Variants in EPC2 observed in about 807,000 individuals in gnomAD.
The protein encoded by EPC2 is enhancer of polycomb 2, also known as enhancer of polycomb homolog 2.
In EPC2, 14 loss-of-function variants were observed where a neutral mutation model predicts 92.1. That is an observed-to-expected ratio of 0.15 (90% CI 0.10 to 0.24). EPC2 has a LOEUF of 0.24. Ranked by LOEUF, EPC2 falls within the 10% of genes least tolerant of loss-of-function variation. EPC2 has a pLI of 1.00. For synonymous variants in EPC2, 340 were observed against 334.7 expected, an observed-to-expected ratio of 1.02 and a Z score of -0.17; for missense variants, 755 against 971.5, an observed-to-expected ratio of 0.78 and a Z score of 2.96.
At chr2:148,742,560 C>G (rs907007128) in intron 2 of EPC2, among the ~76,000 whole-genome samples, 1 of 151,892 alleles carries the variant, frequency 6.6e-6, no homozygotes, top group Non-Finnish European at 1.5e-5. Flanking sequence ...GCAGACAGAT[C>G]GCTTGAGCCC....
intron 2 of EPC2, among the ~76,000 whole-genome samples, chr2:148,713,098 A>G (rs7587946): frequency 1.2e-3 from 182 of 152,366 alleles, no homozygotes; most frequent in African/African-American, 4.0e-3. Flanking sequence ...TGTATTTACT[A>G]TTCTATACTT....
chr2:148,666,456 TA>T (rs1005930466), intron 1 of EPC2, among the ~76,000 whole-genome samples: 1 of 152,148 alleles, frequency 6.6e-6, no homozygotes, highest in Admixed American at 6.5e-5. Context: ...AGGACCAATT[TA>T]AAAAAAATTT....
At chr2:148,658,782 C>T (rs1680870866) in intron 1 of EPC2, among the ~76,000 whole-genome samples, 1 of 151,794 alleles carries the variant, frequency 6.6e-6, no homozygotes, top group Admixed American at 6.6e-5. Flanking sequence ...TTACTTACTA[C>T]TTATGCAATG....
chr2:148,673,584 C>G (rs981480001), intron 1 of EPC2, among the ~76,000 whole-genome samples: 2 of 151,824 alleles, frequency 1.3e-5, no homozygotes, highest in Non-Finnish European at 2.9e-5. Flanking sequence ...AATCATTTTT[C>G]TTATTTATTT....
At chr2:148,737,291 C>T (rs529345524) in intron 2 of EPC2, among the ~76,000 whole-genome samples, 17 of 151,966 alleles carry the variant, frequency 1.1e-4, no homozygotes, top group African/African-American at 3.6e-4. Context: ...TTTTTCAACA[C>T]GTTATTTCAT....
intron 2 of EPC2, among the ~76,000 whole-genome samples, chr2:148,718,261 T>C (rs1574602427): frequency 1.3e-5 from 2 of 152,234 alleles, no homozygotes; most frequent in South Asian, 2.1e-4. Context: ...AGAATTCTTA[T>C]GTGCGGATTT....
chr2:148,748,441 C>T (rs1683027765), intron 3 of EPC2, among the ~76,000 whole-genome samples: 2 of 152,112 alleles, frequency 1.3e-5, no homozygotes, highest in Admixed American at 1.3e-4. Flanking sequence ...CCAGTTTGCA[C>T]TTTAGTGCTG....
intron 2 of EPC2, among the ~76,000 whole-genome samples, chr2:148,713,020 C>T (rs1682183813): frequency 6.6e-6 from 1 of 152,128 alleles, no homozygotes; most frequent in African/African-American, 2.4e-5. Context: ...TAGACCCTGT[C>T]TCAATAAATA....
Position 148,718,962 on chromosome 2 carries a change from G to A in EPC2, c.314-24660G>A, listed in dbSNP as rs565506071. On this transcript the variant is annotated intron_variant, in intron 2 of 13. Transcript: ENST00000258484. ...ATTTCCTTCTTTTTTCTCTAGTATT[G>A]TCTGCTTGTCTTAATTCAGAAAGCC... Among the ~76,000 whole-genome samples the A allele has an allele frequency of 5.9e-5, 9 of 151,766 alleles. No homozygotes were observed. The South Asian group carries it at 1.9e-3, about 32-fold the overall frequency.
intron 2 of EPC2, among the ~76,000 whole-genome samples, chr2:148,733,038 C>CT (rs34431021): frequency 1.6e-4 from 19 of 116,240 alleles, no homozygotes; most frequent in Non-Finnish European, 3.0e-4. Context: ...CAGACTTGAA[C>CT]TTTTTTGAAC....
At chr2:148,762,062 T>A in intron 5 of EPC2, 132 bp downstream of exon 5, 1 of 735,876 alleles carries the variant, frequency 1.4e-6, no homozygotes, top group Non-Finnish European at 2.0e-6. Context: ...GAATTTATAT[T>A]TTTTAAAGAT....
chr2:148,766,998 A>G (rs888018404), intron 7 of EPC2, among the ~76,000 whole-genome samples: 16 of 152,102 alleles, frequency 1.1e-4, no homozygotes, highest in Non-Finnish European at 1.0e-4. Context: ...AGCCTGGGCA[A>G]CATGGTGAAA....
At chr2:148,739,833 CTTTTTTTTTTTTTTT>C (rs144868417) in intron 2 of EPC2, among the ~76,000 whole-genome samples, 6 of 81,296 alleles carry the variant, frequency 7.4e-5, no homozygotes, top group Admixed American at 1.9e-4. Context: ...TCTTCTTCTT[CTTTTTTTTTTTTTTT>C]TTTTTTTTTT....
At chr2:148,773,468 A>G (rs1683567539) in intron 10 of EPC2, among the ~76,000 whole-genome samples, 1 of 152,140 alleles carries the variant, frequency 6.6e-6, no homozygotes, top group Admixed American at 6.5e-5. Flanking sequence ...AAAAAATTTT[A>G]AGGCTTAAGC....
intron 1 of EPC2, among the ~76,000 whole-genome samples, chr2:148,661,095 C>G (rs1200676697): frequency 6.6e-6 from 1 of 151,914 alleles, no homozygotes; most frequent in Non-Finnish European, 1.5e-5. Context: ...TTGTCTAACT[C>G]CCAAAAATAA....
At chr2:148,765,997 C>G (rs1683401371) in intron 7 of EPC2, among the ~76,000 whole-genome samples, 1 of 152,176 alleles carries the variant, frequency 6.6e-6, no homozygotes, top group South Asian at 2.1e-4. Context: ...GATCGCACCA[C>G]TGCACTCCAG....
At chr2:148,734,185 C>A (rs928051074) in intron 2 of EPC2, among the ~76,000 whole-genome samples, 1 of 151,728 alleles carries the variant, frequency 6.6e-6, no homozygotes, top group Non-Finnish European at 1.5e-5. Context: ...ACATGTTATC[C>A]CCGTCTTTTT....
At chr2:148,670,032 A>G (rs1243835291) in intron 1 of EPC2, among the ~76,000 whole-genome samples, 3 of 152,092 alleles carry the variant, frequency 2.0e-5, no homozygotes, top group Admixed American at 1.3e-4. Flanking sequence ...TTCTCCGTGC[A>G]GTTCTTTTCC....
chr2:148,765,926 C>G (rs948578714), intron 7 of EPC2, among the ~76,000 whole-genome samples: 6 of 152,152 alleles, frequency 3.9e-5, no homozygotes, highest in Non-Finnish European at 8.8e-5. Context: ...GTCCCCGCTA[C>G]TCCTGAGGCT....
Sources: allele counts gnomAD v4.1 joint callset (sites outside exome capture counted in the v4.1 genomes callset), GRCh38; gene constraint gnomAD v4.1.1; transcripts MANE v1.5; gene names NCBI Gene and HGNC (gene_info 2026-07-23, HGNC 2026-07-21).